The following CSRNP3 variants were observed in gnomAD, a reference collection of about 807,000 sequenced individuals.
CSRNP3 encodes cysteine/serine-rich nuclear protein 3.
CSRNP3 carries 12 observed loss-of-function variants against 48.0 expected under a neutral mutation model. The ratio of observed to expected loss-of-function variants is 0.25; its 90% CI spans 0.16 to 0.41. The LOEUF (loss-of-function observed/expected upper bound fraction) is 0.41. CSRNP3 is among the 10% of genes least tolerant of loss of function. The pLI, the probability that CSRNP3 is intolerant of heterozygous loss-of-function variation, is 1.00. For synonymous variants in CSRNP3, 263 were observed against 269.7 expected (o/e 0.98, Z 0.24); for missense variants, 580 against 724.4 (o/e 0.80, Z 2.29).
intron 3 of CSRNP3, among the ~76,000 whole-genome samples, chr2:165,571,458 AT>A (rs1280846932): frequency 6.6e-6 from 1 of 151,876 alleles, no homozygotes; most frequent in Non-Finnish European, 1.5e-5. Flanking sequence ...ATTTAAAAAA[AT>A]TTTTAGAAAG....
intron 5 of CSRNP3, among the ~76,000 whole-genome samples, chr2:165,658,895 T>G (rs62176899): frequency 0.17 from 26,021 of 152,024 alleles, 2,316 homozygotes; most frequent in East Asian, 0.28. Context: ...AAGATGAGAT[T>G]TGGGTGAGGA....
intron 1 of CSRNP3, among the ~76,000 whole-genome samples, chr2:165,475,492 G>C (rs1055573617): frequency 6.6e-6 from 1 of 152,206 alleles, no homozygotes; most frequent in Non-Finnish European, 1.5e-5. Context: ...GTGTGGTCAT[G>C]ACAGCCACTT....
At chr2:165,517,485 G>A (rs1271913929) in intron 2 of CSRNP3, among the ~76,000 whole-genome samples, 1 of 151,760 alleles carries the variant, frequency 6.6e-6, no homozygotes, top group Non-Finnish European at 1.5e-5. Context: ...CAACATTTTG[G>A]TTGATTTCCC....
At chr2:165,664,986 C>T (rs944460687) in intron 5 of CSRNP3, among the ~76,000 whole-genome samples, 1 of 152,168 alleles carries the variant, frequency 6.6e-6, no homozygotes, top group Non-Finnish European at 1.5e-5. Flanking sequence ...CTAGACATGG[C>T]CTGTAGAGAG....
At chr2:165,515,072 C>G (rs1020667800) in intron 2 of CSRNP3, among the ~76,000 whole-genome samples, 3 of 152,058 alleles carry the variant, frequency 2.0e-5, no homozygotes, top group Non-Finnish European at 2.9e-5. Context: ...GTAATCCCAG[C>G]GCTTTGGGAG....
At chr2:165,510,004 C>T (rs564333457) in intron 2 of CSRNP3, among the ~76,000 whole-genome samples, 6 of 152,156 alleles carry the variant, frequency 3.9e-5, no homozygotes, top group Non-Finnish European at 7.4e-5. Context: ...GATTAGACTT[C>T]GGGTAAGGGT....
At chr2:165,607,057 G>T (rs555939250) in intron 4 of CSRNP3, among the ~76,000 whole-genome samples, 21 of 152,108 alleles carry the variant, frequency 1.4e-4, no homozygotes, top group African/African-American at 5.1e-4. Flanking sequence ...TTTTCTAGAA[G>T]CTTGAAATAG....
chr2:165,654,554 G>C (rs1240752927), intron 4 of CSRNP3, among the ~76,000 whole-genome samples: 7 of 152,148 alleles, frequency 4.6e-5, no homozygotes, highest in Non-Finnish European at 8.8e-5. Flanking sequence ...TCTTCATTGT[G>C]TCAGAGTTTC....
chr2:165,650,113 C>T (rs1009901470), intron 4 of CSRNP3, among the ~76,000 whole-genome samples: 1 of 152,200 alleles, frequency 6.6e-6, no homozygotes, highest in Non-Finnish European at 1.5e-5. Context: ...CTCATTCACC[C>T]ACGATACTTC....
At chr2:165,591,521 A>G (rs771298609) in intron 3 of CSRNP3, among the ~76,000 whole-genome samples, 1 of 152,190 alleles carries the variant, frequency 6.6e-6, no homozygotes, top group Non-Finnish European at 1.5e-5. Context: ...AGCTCCTCCC[A>G]TCACAAGCCC....
intron 3 of CSRNP3, among the ~76,000 whole-genome samples, chr2:165,585,931 C>T (rs1685619807): frequency 6.6e-6 from 1 of 152,108 alleles, no homozygotes; most frequent in South Asian, 2.1e-4. Flanking sequence ...CTCTTGATGC[C>T]TCCTATTGTT....
intron 2 of CSRNP3, among the ~76,000 whole-genome samples, chr2:165,517,218 G>T (rs910415927): frequency 6.6e-6 from 1 of 151,724 alleles, no homozygotes; most frequent in Non-Finnish European, 1.5e-5. Context: ...TTACTGCCCG[G>T]GTTTCATCAT....
intron 2 of CSRNP3, among the ~76,000 whole-genome samples, chr2:165,516,442 G>T (rs945836732): frequency 4.6e-5 from 7 of 151,914 alleles, no homozygotes; most frequent in Non-Finnish European, 1.0e-4. Flanking sequence ...TTTGAAAAAC[G>T]TACAGAGAGG....
chr2:165,661,380 T>C (rs1172982825), intron 5 of CSRNP3, among the ~76,000 whole-genome samples: 1 of 152,174 alleles, frequency 6.6e-6, no homozygotes, highest in African/African-American at 2.4e-5. Context: ...TCAGAACACT[T>C]ACATTGGCCT....
rs1687562437 is a variant in CSRNP3, at chr2:165,682,402, G to A, written c.*2649G>A. ...ACATATCCCACAAACCACATACACA[G>A]GCTACCTATTAAAACTCTCCCATAT... On this transcript the variant is annotated 3_prime_UTR_variant, in exon 7 of 7. Transcript: ENST00000651982. 1 of 151,972 alleles carries A rather than the reference G, an allele frequency of 6.6e-6. No individual in the cohort carries two copies. The highest frequency in any genetic ancestry group is 6.6e-5 in the Admixed American group (1 of 15,242). 9.4% of individuals were successfully genotyped at this position (151,972 alleles called of 1,614,324 possible).
At chr2:165,558,593 G>A (rs530633822) in intron 3 of CSRNP3, among the ~76,000 whole-genome samples, 99 of 152,142 alleles carry the variant, frequency 6.5e-4, no homozygotes, top group African/African-American at 2.0e-3. Context: ...TAATAAGAGA[G>A]TTTGTAAGAC....
chr2:165,604,172 A>G (rs1326258699), intron 4 of CSRNP3, among the ~76,000 whole-genome samples: 4 of 152,194 alleles, frequency 2.6e-5, no homozygotes. Flanking sequence ...TTTCTGCAGA[A>G]ACTCACGATC....
In CSRNP3 at chr2:165,595,084, A is replaced by T; in HGVS notation, c.19A>T (p.Arg7Trp). 1 of 1,614,102 alleles carries T rather than the reference A, an allele frequency of 6.2e-7. No homozygotes were observed. The highest frequency in any genetic ancestry group is 8.5e-7 in the Non-Finnish European group (1 of 1,180,002). Residue 7 changes from arginine (R) to tryptophan (W), a missense_variant, in exon 4 of 7, where the codon AGG becomes TGG. Coordinates refer to ENST00000651982, the MANE Select transcript of CSRNP3 (RefSeq NM_001172173.2). ...TGCAGCGATGAGTGGAATTTTAAAG[A>T]GGAAGTTTGAAGAAGTTGACGGCTC... The part of the protein sequence containing the change: MSGILK[R>W]KFEEVDGSSP...
intron 5 of CSRNP3, among the ~76,000 whole-genome samples, chr2:165,675,040 G>GC (rs1316945396): frequency 1.3e-5 from 2 of 152,012 alleles, no homozygotes; most frequent in African/African-American, 4.8e-5. Context: ...ATATACACTT[G>GC]CTAGTGTGTT....
Sources: gnomAD v4.1 joint callset for allele counts (sites outside exome capture counted in the v4.1 genomes callset) on GRCh38, gnomAD v4.1.1 for gene constraint, MANE v1.5 for transcripts, NCBI Gene and HGNC (gene_info 2026-07-23, HGNC 2026-07-21) for gene names.